SLC35F3: variants seen among roughly 807,000 people sequenced by gnomAD.
The protein encoded by SLC35F3 is solute carrier family 35 member F3, also known as putative thiamine transporter SLC35F3.
A neutral mutation model predicts 49.9 loss-of-function variants in SLC35F3; 25 were observed. That is an observed-to-expected ratio of 0.50 (90% CI 0.37 to 0.70). The LOEUF (loss-of-function observed/expected upper bound fraction) is 0.70. Among genes scored for constraint, SLC35F3 ranks in the 30% least tolerant of loss-of-function variants. SLC35F3 has a pLI of 0.00. For synonymous variants in SLC35F3, 275 were observed against 265.4 expected (o/e 1.04, Z -0.35); for missense variants, 525 against 639.8 (o/e 0.82, Z 1.94).
intron 2 of SLC35F3, among the ~76,000 whole-genome samples, chr1:233,961,664 C>T (rs1429317576): frequency 3.3e-5 from 5 of 152,060 alleles, no homozygotes; most frequent in Admixed American, 3.3e-4. Context: ...CCATGTTGGC[C>T]AGGCTAGTCT....
intron 2 of SLC35F3, among the ~76,000 whole-genome samples, chr1:234,003,739 C>T (rs535439205): frequency 6.6e-6 from 1 of 152,004 alleles, no homozygotes; most frequent in Admixed American, 6.6e-5. Context: ...TGGAGGAATA[C>T]GGAATGAACT....
chr1:234,274,517 A>G (rs1668165450), intron 3 of SLC35F3: 1 of 152,236 alleles, frequency 6.6e-6, no homozygotes. Flanking sequence ...CACATAATCA[A>G]TTGTCAAGTG....
At chr1:234,253,021 C>T (rs1558274513) in intron 3 of SLC35F3, among the ~76,000 whole-genome samples, 2 of 152,116 alleles carry the variant, frequency 1.3e-5, no homozygotes, top group South Asian at 2.1e-4. Context: ...GGTATACAAC[C>T]TTTGGTAGAA....
intron 2 of SLC35F3, among the ~76,000 whole-genome samples, chr1:234,156,499 A>C (rs763310009): frequency 6.6e-6 from 1 of 152,194 alleles, no homozygotes; most frequent in Non-Finnish European, 1.5e-5. Context: ...ACTGTCATGC[A>C]TTGCTGATGG....
intron 2 of SLC35F3, among the ~76,000 whole-genome samples, chr1:233,953,558 C>T (rs7518747): frequency 9.8e-4 from 149 of 152,114 alleles, no homozygotes; most frequent in Middle Eastern, 6.8e-3. Flanking sequence ...GTCAACTCTC[C>T]GTCATAGCTC....
chr1:234,273,882 A>G (rs574150473), intron 3 of SLC35F3, among the ~76,000 whole-genome samples: 76 of 152,312 alleles, frequency 5.0e-4, no homozygotes, highest in African/African-American at 1.7e-3. Flanking sequence ...ATGAAGCAAA[A>G]GGTAAGACTG....
At chr1:233,982,343 G>C (rs1276249027) in intron 2 of SLC35F3, among the ~76,000 whole-genome samples, 1 of 151,960 alleles carries the variant, frequency 6.6e-6, no homozygotes, top group Admixed American at 6.6e-5. Flanking sequence ...TTTTTTAACT[G>C]TTCAGTTTGA....
intron 2 of SLC35F3, among the ~76,000 whole-genome samples, chr1:234,069,043 T>G (rs1664669074): frequency 1.1e-5 from 1 of 91,076 alleles, no homozygotes; most frequent in African/African-American, 3.7e-5. Context: ...TTATATAATT[T>G]TATATATAAT....
intron 2 of SLC35F3, among the ~76,000 whole-genome samples, chr1:234,015,183 TA>T (rs1489293995): frequency 1.3e-5 from 2 of 151,938 alleles, no homozygotes; most frequent in African/African-American, 4.8e-5. Flanking sequence ...CTGTCTCTAC[TA>T]AAAATACAAA....
intron 2 of SLC35F3, among the ~76,000 whole-genome samples, chr1:234,102,256 T>G (rs1665225172): frequency 2.0e-5 from 3 of 152,228 alleles, no homozygotes; most frequent in Admixed American, 6.5e-5. Flanking sequence ...GATCTGCCAT[T>G]GCCCTCTTGA....
intron 2 of SLC35F3, among the ~76,000 whole-genome samples, chr1:233,979,450 T>G (rs746871776): frequency 6.6e-6 from 1 of 152,196 alleles, no homozygotes; most frequent in Non-Finnish European, 1.5e-5. Context: ...ATTTTGTCCT[T>G]ATATTTGGCA....
chr1:234,316,718 C>T lies in SLC35F3; in HGVS notation c.945C>T (p.Ala315=), dbSNP rs754324150. The change falls in exon 5 of 8, where the codon GCC becomes GCT. Residue 315 remains alanine (A), a synonymous_variant. Coordinates refer to ENST00000366618, the MANE Select transcript of SLC35F3 (RefSeq NM_173508.4). The part of the protein sequence containing the change: ...ALVVASASMS[A]LYKVLFKLLL... The stretch of plus-strand genomic sequence containing the variant: ...TGGTGGCCTCAGCATCGATGTCTGC[C>T]CTCTACAAGGTACGCCCGGGGAGTG... The T allele has an allele frequency of 3.1e-6, 5 of 1,609,086 alleles. No individual in the cohort carries two copies. In the South Asian group the frequency reaches 3.3e-5, roughly 11 times the overall value.
chr1:234,162,221 G>T (rs1284083044), intron 2 of SLC35F3, among the ~76,000 whole-genome samples: 2 of 151,680 alleles, frequency 1.3e-5, no homozygotes, highest in African/African-American at 4.8e-5. Context: ...CAGTAGCAGG[G>T]TGTCCCATGG....
At chr1:234,203,180 C>G (rs572133983) in intron 2 of SLC35F3, among the ~76,000 whole-genome samples, 1 of 152,282 alleles carries the variant, frequency 6.6e-6, no homozygotes, top group South Asian at 2.1e-4. Flanking sequence ...TGATCATTTA[C>G]TTTTGTTGCT....
chr1:233,905,581 C>T lies in SLC35F3; in HGVS notation c.106C>T (p.Pro36Ser). Residue 36 changes from proline to serine, a missense_variant, in exon 2 of 8, where the codon CCC becomes TCC. This residue lies in a region of SLC35F3 where 228 missense variants were observed against 218.9 expected (regional missense o/e 1.04). Transcript: ENST00000366618. The stretch of plus-strand genomic sequence containing the variant: ...CCCCCGGAGACTGTCCGACATCAGC[C>T]CCCAGCTCCGGCAGCTCAAGTACTT... ...VSPRRLSDISPQLRQLKYLVV... is the reference protein window; with the variant it reads ...VSPRRLSDISSQLRQLKYLVV... 6.2e-7 allele frequency: 1 copy of T among 1,614,148 alleles called. No homozygotes were observed. Among genetic ancestry groups the T allele is most frequent in the South Asian group, 1.1e-5 (1 of 91,090 alleles).
In SLC35F3 at chr1:234,027,081, T is replaced by A. The variant is rs1663990298; in HGVS notation, c.283+121323T>A. The A allele has an allele frequency of 6.5e-6, 1 of 153,198 alleles. No homozygotes were observed. The highest frequency in any genetic ancestry group is 1.5e-5 in the Non-Finnish European group (1 of 68,324). The allele number at this position is 153,198 out of a possible 1,614,324, so 9.5% of individuals were successfully genotyped here. ...TATTCCATAAGCCCAGATACACTGA[T>A]TTTCCAAGTACCATAACATTGGCAG... On this transcript the variant is annotated intron_variant, in intron 2 of 7. Coordinates refer to ENST00000366618, the MANE Select transcript of SLC35F3 (RefSeq NM_173508.4). This position sits in a 1 kb window ranked among gnomAD's most constrained non-coding sequence, Gnocchi z 4.1.
rs182909438 is a variant in SLC35F3, at chr1:234,266,710, G to A, written c.608+34969G>A. 3.4e-3 allele frequency among the ~76,000 whole-genome samples: 522 copies of A among 152,116 alleles called. 2 individuals carry two copies. The highest frequency in any genetic ancestry group is 5.3e-3 in the Non-Finnish European group (360 of 67,998). On this transcript the variant is annotated intron_variant, in intron 3 of 7. Transcript: ENST00000366618. ...GCTGCAAACCTATGCAGCGTGTTACGGTACTGAATACTGTAGACAACTGTA... is the reference window on the plus strand; with the variant it reads ...GCTGCAAACCTATGCAGCGTGTTACAGTACTGAATACTGTAGACAACTGTA...
intron 2 of SLC35F3, among the ~76,000 whole-genome samples, chr1:234,005,432 T>G (rs1325328369): frequency 1.3e-5 from 2 of 152,174 alleles, no homozygotes; most frequent in Non-Finnish European, 2.9e-5. Context: ...GTGGATTGTT[T>G]CCCTGCCTCC....
chr1:234,202,440 A>G (rs980763168), intron 2 of SLC35F3, among the ~76,000 whole-genome samples: 2 of 152,256 alleles, frequency 1.3e-5, no homozygotes, highest in Admixed American at 6.5e-5. Context: ...ATTTACACCA[A>G]GAAGTATTTA....
Sources: gnomAD v4.1 joint callset for allele counts (sites outside exome capture counted in the v4.1 genomes callset) on GRCh38, gnomAD v4.1.1 for gene constraint, gnomAD v4.1.1 regional missense constraint, Gnocchi (gnomAD v3.1) non-coding constraint, MANE v1.5 for transcripts, NCBI Gene and HGNC (gene_info 2026-07-23, HGNC 2026-07-21) for gene names.